Variants in NAF1 observed in about 807,000 individuals in gnomAD.
The protein encoded by NAF1 is H/ACA ribonucleoprotein complex non-core subunit NAF1.
In NAF1, 11 loss-of-function variants were observed where a neutral mutation model predicts 40.6. That is an observed-to-expected ratio of 0.27 (90% CI 0.17 to 0.45). The LOEUF (loss-of-function observed/expected upper bound fraction) is 0.45, where lower values mean the gene tolerates loss of function less well. Among genes scored for constraint, NAF1 ranks in the 20% least tolerant of loss-of-function variants. The pLI is 1.00. For missense variants in NAF1, 607 were observed against 611.1 expected (o/e 0.99, Z 0.07); for synonymous variants, 260 against 228.5 (o/e 1.14, Z -1.24).
chr4:163,135,363 A>T (rs1731015003), intron 6 of NAF1: 1 of 152,236 alleles, frequency 6.6e-6, no homozygotes. Context: ...AGCTACCTGG[A>T]AAAAACAAAC....
chr4:163,131,407 C>A (rs1217730552), intron 7 of NAF1, among the ~76,000 whole-genome samples: 2 of 151,848 alleles, frequency 1.3e-5, no homozygotes, highest in Non-Finnish European at 2.9e-5. Context: ...CAGACAAAAA[C>A]AAAAACAAAA....
chr4:163,159,047 G>T (rs1423142188), intron 2 of NAF1, among the ~76,000 whole-genome samples: 5 of 151,966 alleles, frequency 3.3e-5, no homozygotes, highest in Non-Finnish European at 7.4e-5. Flanking sequence ...GCAATCAGCA[G>T]AATTCACTTA....
At chr4:163,118,299 G>T (rs1257257299) in intron 2 of NAF1, among the ~76,000 whole-genome samples, 1 of 152,142 alleles carries the variant, frequency 6.6e-6, no homozygotes, top group Non-Finnish European at 1.5e-5. Flanking sequence ...GTAGGGACAG[G>T]TGTAATAAAA....
intron 2 of NAF1, among the ~76,000 whole-genome samples, chr4:163,148,987 G>A (rs1274610633): frequency 6.6e-6 from 1 of 152,052 alleles, no homozygotes; most frequent in African/African-American, 2.4e-5. Flanking sequence ...CCTGAAAAAA[G>A]AATATAGGCT....
chr4:163,133,375 T>A, intron 6 of NAF1, 119 bp from the exon 7 acceptor site: 1 of 640,732 alleles, frequency 1.6e-6, no homozygotes, highest in South Asian at 2.3e-5. Context: ...AAAAGTTGTC[T>A]TTTTGATACT....
chr4:163,150,447 A>C (rs780465973), intron 2 of NAF1, among the ~76,000 whole-genome samples: 20 of 152,154 alleles, frequency 1.3e-4, no homozygotes, highest in Non-Finnish European at 2.4e-4. Context: ...TAACTTCAAA[A>C]TATTTTTTAC....
intron 2 of NAF1, chr4:163,110,435 T>C (rs998711013): frequency 1.7e-6 from 1 of 605,122 alleles, no homozygotes; most frequent in Admixed American, 2.8e-5. Flanking sequence ...TAAATTAATC[T>C]TTATCATAGG....
At chr4:163,110,786 T>A (rs1730136712) in intron 2 of NAF1, among the ~76,000 whole-genome samples, 1 of 152,206 alleles carries the variant, frequency 6.6e-6, no homozygotes, top group Admixed American at 6.5e-5. Flanking sequence ...TCAAAATTGA[T>A]GAGCTCTAGC....
the NAF1 span, among the ~76,000 whole-genome samples, chr4:163,104,171 A>C: frequency 6.6e-6 from 1 of 152,120 alleles, no homozygotes; most frequent in Non-Finnish European, 1.5e-5. Context: ...GTGGGGCAGA[A>C]ACAAATCACA....
At position 163,128,960 on chromosome 4, in the gene NAF1, AGGGGGAGGGGGT is replaced by A; in HGVS notation, c.1410_1421del (p.Pro473_Pro476del). On this transcript the variant is annotated inframe_deletion, in exon 8 of 8. Coordinates refer to ENST00000274054, the MANE Select transcript of NAF1 (RefSeq NM_138386.3). ...AAGAGGGTGGAGGAGGCAGTGGTGG[AGGGGGAGGGGGT>A]GGGGGTAGGGAGTATGGTAAGTTAA... 1 of 346,100 alleles carries A rather than the reference AGGGGGAGGGGGT, an allele frequency of 2.9e-6. No individual in the cohort carries two copies. The highest frequency in any genetic ancestry group is 5.7e-6 in the Non-Finnish European group (1 of 176,426). The allele number at this position is 346,100 out of a possible 1,614,324, so 21.4% of individuals were successfully genotyped here. A position where few individuals can be genotyped will look rare whatever the true frequency, so the allele number is the denominator to read the frequency against.
chr4:163,149,829 A>G (rs963765760), intron 2 of NAF1, among the ~76,000 whole-genome samples: 1 of 152,182 alleles, frequency 6.6e-6, no homozygotes, highest in Admixed American at 6.5e-5. Flanking sequence ...TAGCTAAAGC[A>G]ATCTCAAACC....
intron 2 of NAF1, among the ~76,000 whole-genome samples, chr4:163,153,358 G>A (rs1731816959): frequency 6.6e-6 from 1 of 152,200 alleles, no homozygotes; most frequent in South Asian, 2.1e-4. Flanking sequence ...CTAGCTCTGG[G>A]ATTGTAAACA....
At chr4:163,152,827 C>T (rs1230373225) in intron 2 of NAF1, among the ~76,000 whole-genome samples, 1 of 152,248 alleles carries the variant, frequency 6.6e-6, no homozygotes, top group African/African-American at 2.4e-5. Context: ...GCTCCCTCAG[C>T]TTGCAGAGAG....
downstream of NAF1, among the ~76,000 whole-genome samples, chr4:163,105,321 A>G (rs1730035311): frequency 1.3e-5 from 2 of 152,204 alleles, no homozygotes; most frequent in African/African-American, 4.8e-5. Context: ...TATTATAAAC[A>G]TTAAGTAAGA....
At chr4:163,114,290 C>T (rs1730257666) in intron 2 of NAF1, among the ~76,000 whole-genome samples, 1 of 152,224 alleles carries the variant, frequency 6.6e-6, no homozygotes, top group South Asian at 2.1e-4. Context: ...AGAAGCTGGG[C>T]AGAGCTAGAA....
intron 2 of NAF1, among the ~76,000 whole-genome samples, chr4:163,111,119 GT>G (rs1171079098): frequency 6.6e-6 from 1 of 151,906 alleles, no homozygotes; most frequent in South Asian, 2.1e-4. Flanking sequence ...ACTACCTTTT[GT>G]TTTTTTCAGA....
At chr4:163,126,424 C>A (rs925570381), downstream of NAF1, among the ~76,000 whole-genome samples, 1 of 152,082 alleles carries the variant, frequency 6.6e-6, no homozygotes, top group African/African-American at 2.4e-5. Context: ...GAGGAAATAA[C>A]TGAATATGTG....
chr4:163,126,991 T>C, downstream of NAF1: 1 of 1,551,044 alleles, frequency 6.4e-7, no homozygotes, highest in Non-Finnish European at 8.7e-7. Context: ...ATTGCATACT[T>C]AATAAACTAA....
At chr4:163,154,406 G>T (rs932091775) in intron 2 of NAF1, among the ~76,000 whole-genome samples, 1 of 152,190 alleles carries the variant, frequency 6.6e-6, no homozygotes, top group African/African-American at 2.4e-5. Flanking sequence ...AAATATGTAA[G>T]AGGTAAGTGA....
Sources: allele counts gnomAD v4.1 joint callset (sites outside exome capture counted in the v4.1 genomes callset), GRCh38; gene constraint gnomAD v4.1.1; transcripts MANE v1.5; gene names NCBI Gene and HGNC (gene_info 2026-07-23, HGNC 2026-07-21).